The following MCTP2 variants were observed in gnomAD, a reference collection of about 807,000 sequenced individuals.
MCTP2 encodes multiple C2 and transmembrane domain containing 2, also known as multiple C2 and transmembrane domain-containing protein 2.
MCTP2 carries 132 observed loss-of-function variants against 111.6 expected under a neutral mutation model. That is an observed-to-expected ratio of 1.18 (90% CI 1.03 to 1.37). The LOEUF is 1.37. Among genes scored for constraint, MCTP2 ranks in the 40% most tolerant of loss-of-function variants. MCTP2 has a pLI of 0.00. For synonymous variants in MCTP2, 395 were observed against 387.7 expected, an observed-to-expected ratio of 1.02 and a Z score of -0.22; for missense variants, 1,183 against 1,067.9, an observed-to-expected ratio of 1.11 and a Z score of -1.50.
At chr15:94,451,090 T>C (rs2152520372) in intron 19 of MCTP2, among the ~76,000 whole-genome samples, 1 of 152,338 alleles carries the variant, frequency 6.6e-6, no homozygotes, top group East Asian at 1.9e-4. Flanking sequence ...AAAAGAACAA[T>C]TGTGTTACAA....
intron 19 of MCTP2, among the ~76,000 whole-genome samples, chr15:94,457,797 G>A (rs1261705845): frequency 1.3e-5 from 2 of 152,316 alleles, no homozygotes; most frequent in East Asian, 1.9e-4. Context: ...TGTGGAGACA[G>A]AGGAAGTCAG....
At chr15:94,475,389 A>T (rs532184481) in intron 21 of MCTP2, among the ~76,000 whole-genome samples, 2 of 152,346 alleles carry the variant, frequency 1.3e-5, no homozygotes, top group African/African-American at 4.8e-5. Context: ...CCCTCCAAAG[A>T]AATAACTGGA....
At chr15:94,340,297 A>G (rs749133276) in intron 6 of MCTP2, 22 bp downstream of exon 6, 2 of 1,552,236 alleles carry the variant, frequency 1.3e-6, no homozygotes, top group South Asian at 2.2e-5. Flanking sequence ...TTACATTTTA[A>G]TTGTTATTGA....
rs1178067928 is a variant in MCTP2 at position 94,339,329 on chromosome 15, A to C, written c.677A>C (p.Lys226Thr). The C allele has an allele frequency of 3.1e-6, 5 of 1,611,268 alleles. No individual in the cohort carries two copies. The highest frequency in any genetic ancestry group is 1.7e-4 in the Middle Eastern group (1 of 5,972). The change falls in exon 5 of 23, where the codon AAG becomes ACG. Residue 226 changes from lysine to threonine, a missense_variant. Lys to Thr is a moderately conservative substitution (Grantham distance 78). Coordinates refer to ENST00000357742, the MANE Select transcript of MCTP2 (RefSeq NM_001385001.1). ...DPYVKFKLNG[K>T]TLYKSKVIYK... ...TATGTGAAATTTAAGCTGAATGGGAAGACGCTGTACAAAAGTAAAGTCATA... is the reference window on the plus strand; with the variant it reads ...TATGTGAAATTTAAGCTGAATGGGACGACGCTGTACAAAAGTAAAGTCATA...
At chr15:94,478,404 A>G (rs996398944) in intron 22 of MCTP2, among the ~76,000 whole-genome samples, 3 of 152,242 alleles carry the variant, frequency 2.0e-5, no homozygotes, top group Non-Finnish European at 4.4e-5. Context: ...ACAGTTTGCC[A>G]CTGGGGACTC....
At chr15:94,434,867 TTC>T (rs1188131786) in intron 17 of MCTP2, among the ~76,000 whole-genome samples, 1 of 131,844 alleles carries the variant, frequency 7.6e-6, no homozygotes, top group African/African-American at 2.8e-5. Context: ...CTTTTTTTTT[TTC>T]TTTTTTTTTT....
At chr15:94,463,690 CAAG>C (rs1195388884) in intron 20 of MCTP2, among the ~76,000 whole-genome samples, 1 of 152,094 alleles carries the variant, frequency 6.6e-6, no homozygotes, top group Non-Finnish European at 1.5e-5. Context: ...GTTTCACCCT[CAAG>C]AATGATGTTT....
At chr15:94,263,540 A>G (rs1379315966) in intron 1 of MCTP2, among the ~76,000 whole-genome samples, 2 of 152,226 alleles carry the variant, frequency 1.3e-5, no homozygotes, top group Admixed American at 1.3e-4. Flanking sequence ...GTTTATCTAA[A>G]ACATGTGTCT....
intron 21 of MCTP2, among the ~76,000 whole-genome samples, chr15:94,473,078 A>G (rs542524431): frequency 1.3e-5 from 2 of 152,000 alleles, no homozygotes; most frequent in African/African-American, 4.8e-5. Context: ...TTTTTTGAAA[A>G]AAATGTAACT....
chr15:94,356,117 A>T lies in MCTP2; in HGVS notation c.1006-20A>T, dbSNP rs751845767. On this transcript the variant is annotated intron_variant, in intron 8 of 22. Coordinates refer to ENST00000357742, the MANE Select transcript of MCTP2 (RefSeq NM_001385001.1). ...GGAATTAGAAGCAAGTTTACATGTC[A>T]TCTTTATTTTTTGCTTTAGTCCTCT... is the stretch of plus-strand genomic sequence containing the variant. The T allele has an allele frequency of 6.5e-7, 1 of 1,527,476 alleles. No homozygotes were observed. The highest frequency in any genetic ancestry group is 1.3e-5 in the South Asian group (1 of 74,630). The allele number at this position is 1,527,476 out of a possible 1,614,324, so 94.6% of individuals were successfully genotyped here.
intron 17 of MCTP2, among the ~76,000 whole-genome samples, chr15:94,430,395 A>T (rs1472108116): frequency 8.2e-4 from 6 of 7,326 alleles, no homozygotes; most frequent in South Asian, 6.3e-3. Context: ...AAAAACAATC[A>T]CACACACACA....
Position 94,480,165 on chromosome 15 carries a change from G to C in MCTP2, c.*1131G>C, listed in dbSNP as rs544559588. ...CCTGCCATGTAAAAATCCTGACTTT[G>C]TGCGTATATAAAATGTATGCAATTA... is the stretch of plus-strand genomic sequence containing the variant. On this transcript the variant is annotated 3_prime_UTR_variant, in exon 23 of 23. Coordinates refer to ENST00000357742, the MANE Select transcript of MCTP2 (RefSeq NM_001385001.1). 69 of 152,212 alleles carry C rather than the reference G, an allele frequency of 4.5e-4. No homozygotes were observed. Among genetic ancestry groups the C allele is most frequent in the African/African-American group, 1.6e-3 (68 of 41,524 alleles). 9.4% of individuals were successfully genotyped at this position (152,212 alleles called of 1,614,324 possible).
chr15:94,335,955 T>C (rs1472088594), intron 4 of MCTP2, among the ~76,000 whole-genome samples: 1 of 152,174 alleles, frequency 6.6e-6, no homozygotes, highest in Non-Finnish European at 1.5e-5. Context: ...TTCATCCCTT[T>C]CAGAGTTGTG....
intron 1 of MCTP2, among the ~76,000 whole-genome samples, chr15:94,271,178 A>T (rs1563364): frequency 0.93 from 142,221 of 152,242 alleles, 66,484 homozygotes; most frequent in Middle Eastern, 0.96. Context: ...AGTTACATAG[A>T]TTTAAATCCA....
In MCTP2 at chr15:94,339,420, G is replaced by A. The variant is rs2077522330; in HGVS notation, c.768G>A (p.Lys256=). 1 of 1,600,456 alleles carries A rather than the reference G, an allele frequency of 6.2e-7. No homozygotes were observed. The highest frequency in any genetic ancestry group is 1.4e-5 in the African/African-American group (1 of 74,064). Residue 256 remains lysine, a synonymous_variant, in exon 5 of 23, where the codon AAG becomes AAA. Transcript: ENST00000357742. The part of the protein sequence containing the change: ...VVLPIQSLDQ[K]LRVKVYDRDL... ...TGCCAATCCAAAGCCTTGATCAAAA[G>A]CTACGTGTGAAGGTAATCACAGATA...
intron 12 of MCTP2, among the ~76,000 whole-genome samples, chr15:94,379,846 GAT>G (rs200722241): frequency 4.4e-4 from 58 of 133,230 alleles, no homozygotes; most frequent in Admixed American, 9.6e-4. Context: ...AATTATATAT[GAT>G]ATATATATAA....
chr15:94,339,785 A>G (rs1198427810), intron 5 of MCTP2, among the ~76,000 whole-genome samples: 3 of 152,202 alleles, frequency 2.0e-5, no homozygotes, highest in Non-Finnish European at 4.4e-5. Flanking sequence ...AATTGCTACA[A>G]CATCTGGGTT....
intron 20 of MCTP2, among the ~76,000 whole-genome samples, chr15:94,464,258 T>TTATATATATATATATATATA (rs2085427213): frequency 3.6e-5 from 1 of 27,536 alleles, no homozygotes; most frequent in East Asian, 6.6e-4. Context: ...ATATATATAT[T>TTATATATATATATATATATA]ATATATATAT....
intron 17 of MCTP2, among the ~76,000 whole-genome samples, chr15:94,434,439 C>T (rs933818983): frequency 1.3e-5 from 2 of 151,914 alleles, no homozygotes; most frequent in Non-Finnish European, 2.9e-5. Context: ...GAAATCTTTG[C>T]CCACTCTAAG....
Sources: allele counts gnomAD v4.1 joint callset (sites outside exome capture counted in the v4.1 genomes callset), GRCh38; gene constraint gnomAD v4.1.1; transcripts MANE v1.5; gene names NCBI Gene and HGNC (gene_info 2026-07-23, HGNC 2026-07-21).